Variants in OR9Q1 observed in about 807,000 individuals in gnomAD.
OR9Q1 encodes the protein olfactory receptor 9Q1.
For synonymous variants in OR9Q1, 153 were observed against 148.6 expected (o/e 1.03, Z -0.22); for missense variants, 374 against 378.8 (o/e 0.99, Z 0.11).
At chr11:58,165,277 C>G (rs575665595) in intron 2 of OR9Q1, among the ~76,000 whole-genome samples, 2 of 152,168 alleles carry the variant, frequency 1.3e-5, no homozygotes, top group Admixed American at 6.5e-5. Flanking sequence ...ATCTAACACA[C>G]GCTTAATGCC....
At chr11:58,046,881 A>G (rs1411706753) in intron 1 of OR9Q1, among the ~76,000 whole-genome samples, 1 of 152,092 alleles carries the variant, frequency 6.6e-6, no homozygotes, top group Non-Finnish European at 1.5e-5. Flanking sequence ...AAGAAAAAAA[A>G]AGAATTTCTC....
At chr11:58,145,997 G>A (rs1854295838) in intron 2 of OR9Q1, among the ~76,000 whole-genome samples, 1 of 152,132 alleles carries the variant, frequency 6.6e-6, no homozygotes, top group Admixed American at 6.5e-5. Context: ...AATAAAGAAG[G>A]GAAAGGAGGT....
chr11:58,055,247 T>TA (rs1853316052), intron 1 of OR9Q1, among the ~76,000 whole-genome samples: 1 of 152,060 alleles, frequency 6.6e-6, no homozygotes, highest in Admixed American at 6.6e-5. Flanking sequence ...TAACTCAACA[T>TA]AAAAAACACT....
intron 1 of OR9Q1, among the ~76,000 whole-genome samples, chr11:58,053,019 A>G (rs1853281814): frequency 6.6e-6 from 1 of 151,420 alleles, no homozygotes; most frequent in African/African-American, 2.4e-5. Context: ...AACTAGTTCA[A>G]CCATTGTGGA....
At chr11:58,166,514 G>A (rs184429832) in intron 2 of OR9Q1, among the ~76,000 whole-genome samples, 3 of 152,170 alleles carry the variant, frequency 2.0e-5, no homozygotes, top group Middle Eastern at 3.4e-3. Context: ...CTTATTAAAG[G>A]CTGCAGATTA....
In OR9Q1 at chr11:58,179,791, C is replaced by A; in HGVS notation, c.347C>A (p.Ala116Asp). The A allele has an allele frequency of 6.2e-7, 1 of 1,614,188 alleles. No homozygotes were observed. The highest frequency in any genetic ancestry group is 8.5e-7 in the Non-Finnish European group (1 of 1,180,028). ...FFGSIDCYLL[A>D]LMAYDRYLAV... Reference sequence around the variant, plus strand: ...GGTTCCATCGACTGCTACCTCTTGGCCCTCATGGCCTATGACCGCTACTTG... The same window carrying A: ...GGTTCCATCGACTGCTACCTCTTGGACCTCATGGCCTATGACCGCTACTTG... Residue 116 changes from alanine to aspartate, a missense_variant, in exon 3 of 3, where the codon GCC becomes GAC. Transcript: ENST00000335397.
At chr11:58,153,741 A>G (rs561526904) in intron 2 of OR9Q1, among the ~76,000 whole-genome samples, 1 of 152,326 alleles carries the variant, frequency 6.6e-6, no homozygotes, top group Admixed American at 6.5e-5. Flanking sequence ...TTTCTGGACT[A>G]TATGACCTTT....
At chr11:58,164,578 A>C (rs1031574918) in intron 2 of OR9Q1, among the ~76,000 whole-genome samples, 2 of 152,170 alleles carry the variant, frequency 1.3e-5, no homozygotes, top group African/African-American at 2.4e-5. Context: ...CCTGGTCCAC[A>C]CCCATCCCAA....
At chr11:58,064,159 C>A (rs930583185) in intron 2 of OR9Q1, among the ~76,000 whole-genome samples, 2 of 152,180 alleles carry the variant, frequency 1.3e-5, no homozygotes, top group Admixed American at 1.3e-4. Flanking sequence ...AAACCACCAT[C>A]TAAGGAGGGT....
At chr11:58,088,214 T>G (rs1161048701) in intron 2 of OR9Q1, among the ~76,000 whole-genome samples, 1 of 151,972 alleles carries the variant, frequency 6.6e-6, no homozygotes. Flanking sequence ...CTTAATGCAG[T>G]CTATCATTGA....
intron 2 of OR9Q1, among the ~76,000 whole-genome samples, chr11:58,114,832 C>T (rs1853935368): frequency 6.6e-6 from 1 of 152,156 alleles, no homozygotes; most frequent in Admixed American, 6.6e-5. Flanking sequence ...CCAATGCCAG[C>T]TAGAGGTTGT....
At chr11:58,141,519 G>A (rs566488246) in intron 2 of OR9Q1, among the ~76,000 whole-genome samples, 26 of 152,222 alleles carry the variant, frequency 1.7e-4, no homozygotes, top group African/African-American at 5.8e-4. Flanking sequence ...GCTGGATTAC[G>A]TTTATTGATT....
chr11:58,155,227 C>G (rs1854397011), intron 2 of OR9Q1, among the ~76,000 whole-genome samples: 1 of 152,124 alleles, frequency 6.6e-6, no homozygotes, highest in South Asian at 2.1e-4. Flanking sequence ...TCTCTTTTCC[C>G]TTAAGTTCTT....
At chr11:58,083,243 C>T (rs1027784728) in intron 2 of OR9Q1, among the ~76,000 whole-genome samples, 2 of 151,992 alleles carry the variant, frequency 1.3e-5, no homozygotes, top group Admixed American at 6.6e-5. Flanking sequence ...GCCAGTTTTC[C>T]CAGCACCATT....
chr11:58,165,638 C>T (rs1854493846), intron 2 of OR9Q1, among the ~76,000 whole-genome samples: 1 of 152,124 alleles, frequency 6.6e-6, no homozygotes. Flanking sequence ...AAACTTGCTC[C>T]CTGCTGTTTC....
chr11:58,096,511 A>T (rs775271903), intron 2 of OR9Q1, among the ~76,000 whole-genome samples: 4 of 151,936 alleles, frequency 2.6e-5, no homozygotes, highest in Non-Finnish European at 4.4e-5. Flanking sequence ...TCTTTTGGTA[A>T]TATATAATGT....
chr11:58,055,094 T>G (rs1853314502), intron 1 of OR9Q1, among the ~76,000 whole-genome samples: 1 of 152,214 alleles, frequency 6.6e-6, no homozygotes, highest in Non-Finnish European at 1.5e-5. Flanking sequence ...CTGGTGACAT[T>G]CCTCACTCTA....
chr11:58,089,525 T>C (rs1202478648), intron 2 of OR9Q1, among the ~76,000 whole-genome samples: 1 of 151,924 alleles, frequency 6.6e-6, no homozygotes, highest in Non-Finnish European at 1.5e-5. Context: ...TCTGTTTTGG[T>C]ACCAGTACCA....
At chr11:58,031,138 T>A in intron 1 of OR9Q1, 1 of 1,614,226 alleles carries the variant, frequency 6.2e-7, no homozygotes, top group Non-Finnish European at 8.5e-7. Context: ...GACCCATGTA[T>A]TTCTTCCTGA....
Sources: allele counts gnomAD v4.1 joint callset (sites outside exome capture counted in the v4.1 genomes callset), GRCh38; gene constraint gnomAD v4.1.1; transcripts MANE v1.5; gene names NCBI Gene and HGNC (gene_info 2026-07-23, HGNC 2026-07-21).